The following SF3A3 variants were observed in gnomAD, a reference collection of about 807,000 sequenced individuals.
SF3A3 encodes the protein splicing factor 3a subunit 3.
SF3A3 carries 9 observed loss-of-function variants against 85.8 expected under a neutral mutation model. The observed-to-expected ratio is 0.10, with a 90% CI of 0.06 to 0.18. SF3A3 has a LOEUF of 0.18. Ranked by LOEUF, SF3A3 falls within the 10% of genes least tolerant of loss-of-function variation. SF3A3 has a pLI of 1.00. For missense variants in SF3A3, 306 were observed against 593.3 expected (o/e 0.52, Z 5.03); for synonymous variants, 195 against 204.4 (o/e 0.95, Z 0.39).
At chr1:37,984,338 G>A (rs1646440672) in intron 5 of SF3A3, 78 bp from the exon 6 acceptor site, 2 of 816,712 alleles carry the variant, frequency 2.4e-6, no homozygotes, top group Non-Finnish European at 4.1e-6. Context: ...TGGACTGTGT[G>A]TTCCTAGTTT....
intron 9 of SF3A3, 197 bp downstream of exon 9, chr1:37,979,268 T>G (rs1221420484): frequency 3.2e-6 from 2 of 622,570 alleles, no homozygotes; most frequent in Non-Finnish European, 5.7e-6. Flanking sequence ...TACTACGGCT[T>G]AATGTAGTTA....
At position 37,973,189 on chromosome 1, in the gene SF3A3, A is replaced by C. The variant is rs551026853; in HGVS notation, c.1006-3454T>G. Among the ~76,000 whole-genome samples the C allele has an allele frequency of 2.0e-5, 3 of 152,274 alleles. No homozygotes were observed. In the South Asian group the frequency reaches 6.2e-4, roughly 32 times the overall value. ...GTGAGACTCTGTCTCCAACAAAAAA[A>C]AGAAAAAGAAAAAGAAAAAAAGACT... On this transcript the variant is annotated intron_variant, in intron 12 of 16. Transcript: ENST00000373019.
intron 6 of SF3A3, among the ~76,000 whole-genome samples, chr1:37,983,585 T>TAAAAAAAAA (rs1557754966): frequency 9.5e-4 from 2 of 2,098 alleles, no homozygotes; most frequent in South Asian, 0.01. Context: ...AGACCCTGTC[T>TAAAAAAAAA]CAAAAAAAAA....
At chr1:37,976,780 C>T (rs745714593) in intron 12 of SF3A3, 104 bp downstream of exon 12, 33 of 768,558 alleles carry the variant, frequency 4.3e-5, no homozygotes, top group Middle Eastern at 4.7e-4. Flanking sequence ...TATCAGCTAT[C>T]CACTCCTCTT....
intron 12 of SF3A3, among the ~76,000 whole-genome samples, chr1:37,976,661 A>G (rs757800951): frequency 1.3e-5 from 2 of 152,136 alleles, no homozygotes; most frequent in African/African-American, 2.4e-5. Flanking sequence ...TCTATTCTCC[A>G]TGACTGGCTT....
At chr1:37,963,277 T>G (rs976507831) in intron 15 of SF3A3, among the ~76,000 whole-genome samples, 9 of 152,076 alleles carry the variant, frequency 5.9e-5, no homozygotes, top group Non-Finnish European at 1.0e-4. Context: ...ATTGTACCAC[T>G]GCACTCCAGC....
At chr1:37,985,908 C>T (rs1425597626) in intron 4 of SF3A3, among the ~76,000 whole-genome samples, 1 of 151,786 alleles carries the variant, frequency 6.6e-6, no homozygotes, top group Non-Finnish European at 1.5e-5. Context: ...CTCTGTCTTC[C>T]CCAATACCCT....
At chr1:37,975,770 C>A (rs886685844) in intron 12 of SF3A3, among the ~76,000 whole-genome samples, 1 of 152,190 alleles carries the variant, frequency 6.6e-6, no homozygotes, top group Non-Finnish European at 1.5e-5. Context: ...AAAATGTCCA[C>A]GGCAATTAAC....
intron 15 of SF3A3, among the ~76,000 whole-genome samples, chr1:37,962,808 G>A (rs1047845919): frequency 2.6e-5 from 4 of 151,358 alleles, no homozygotes; most frequent in East Asian, 1.9e-4. Flanking sequence ...CACTGCGGCC[G>A]GGTGCGGTGG....
At chr1:37,973,970 C>G (rs1646361239) in intron 12 of SF3A3, among the ~76,000 whole-genome samples, 1 of 152,132 alleles carries the variant, frequency 6.6e-6, no homozygotes, top group Non-Finnish European at 1.5e-5. Context: ...TCTGAGCAAA[C>G]TATCGCAAGG....
In SF3A3 at chr1:37,987,636, C is replaced by T. The variant is rs941494228; in HGVS notation, c.240G>A (p.Glu80=). ...TGAGTCTATTATAGAATTCAGCAAA[C>T]TCATTGGGTCCTGAAATGGCATTGA... The part of the protein sequence containing the change: ...EELNAISGPN[E]FAEFYNRLKQ... Residue 80 remains glutamate, a synonymous_variant, in exon 4 of 17, where the codon GAG becomes GAA. Transcript: ENST00000373019. 3 of 1,614,090 alleles carry T rather than the reference C, an allele frequency of 1.9e-6. No homozygotes were observed. Among genetic ancestry groups the T allele is most frequent in the Non-Finnish European group, 2.5e-6 (3 of 1,180,014 alleles).
At chr1:37,986,285 C>T (rs999793475) in intron 4 of SF3A3, among the ~76,000 whole-genome samples, 2 of 152,154 alleles carry the variant, frequency 1.3e-5, no homozygotes, top group Non-Finnish European at 2.9e-5. Flanking sequence ...CTCCATACTT[C>T]TACTTCCCCA....
chr1:37,989,146 T>C (rs1395782813), intron 2 of SF3A3, among the ~76,000 whole-genome samples: 2 of 151,784 alleles, frequency 1.3e-5, no homozygotes, highest in African/African-American at 4.8e-5. Flanking sequence ...AATACAAAAA[T>C]TAGCTGAGCG....
At chr1:37,964,477 A>C (rs1031565074) in intron 15 of SF3A3, among the ~76,000 whole-genome samples, 5 of 151,806 alleles carry the variant, frequency 3.3e-5, no homozygotes, top group African/African-American at 1.2e-4. Context: ...CGTGGTGGCG[A>C]GCGCCTGTAA....
At chr1:37,970,814 CA>C (rs1646340205) in intron 12 of SF3A3, among the ~76,000 whole-genome samples, 1 of 152,062 alleles carries the variant, frequency 6.6e-6, no homozygotes, top group Non-Finnish European at 1.5e-5. Context: ...CCAATGAGCA[CA>C]AAGACACAAC....
At position 37,980,214 on chromosome 1, in the gene SF3A3, C is replaced by T. The variant is rs1353797613; in HGVS notation, c.690+372G>A. ...CCGAGGTGGGCGGATCACCTGAGGT[C>T]GGGAATTTGAGACCAGCCTGACAAA... On this transcript the variant is annotated intron_variant, in intron 8 of 16. Transcript: ENST00000373019. 3.9e-5 allele frequency among the ~76,000 whole-genome samples: 6 copies of T among 152,126 alleles called. No homozygotes were observed. In the South Asian group the frequency reaches 6.2e-4, roughly 16 times the overall value.
intron 15 of SF3A3, among the ~76,000 whole-genome samples, chr1:37,965,799 A>G (rs1171006611): frequency 1.6e-5 from 2 of 124,910 alleles, no homozygotes; most frequent in Non-Finnish European, 3.2e-5. Flanking sequence ...CATAACTGAG[A>G]GTAAAGTGCC....
At chr1:37,988,857 T>TTGTGTGTGTG (rs547811229) in intron 2 of SF3A3, among the ~76,000 whole-genome samples, 11 of 146,762 alleles carry the variant, frequency 7.5e-5, no homozygotes, top group African/African-American at 2.6e-4. Flanking sequence ...ACGGGGTGTG[T>TTGTGTGTGTG]TGTGTGTGTG....
intron 4 of SF3A3, among the ~76,000 whole-genome samples, chr1:37,985,179 GATTT>G (rs1377325455): frequency 6.6e-6 from 1 of 152,192 alleles, no homozygotes; most frequent in South Asian, 2.1e-4. Flanking sequence ...GACTTCTGAT[GATTT>G]ATTTGGCCTT....
Sources: gnomAD v4.1 joint callset for allele counts (sites outside exome capture counted in the v4.1 genomes callset) on GRCh38, gnomAD v4.1.1 for gene constraint, MANE v1.5 for transcripts, NCBI Gene and HGNC (gene_info 2026-07-23, HGNC 2026-07-21) for gene names.